Variants in CLDN16 observed in about 807,000 individuals in gnomAD.
CLDN16 encodes claudin-16.
In CLDN16, 13 loss-of-function variants were observed where a neutral mutation model predicts 24.6. The observed-to-expected ratio is 0.53, with a 90% CI of 0.34 to 0.84. The LOEUF is 0.84. Among genes scored for constraint, CLDN16 ranks in the 40% least tolerant of loss-of-function variants. CLDN16 has a pLI of 0.01. For missense variants in CLDN16, 298 were observed against 292.7 expected, an observed-to-expected ratio of 1.02 and a Z score of -0.13; for synonymous variants, 116 against 106.7, an observed-to-expected ratio of 1.09 and a Z score of -0.54.
chr3:190,310,163 C>T, the CLDN16 span: 586 of 1,610,712 alleles, frequency 3.6e-4, 4 homozygotes, highest in African/African-American at 4.7e-3. Context: ...GCCTGAATAG[C>T]GTTACCTGGC....
chr3:190,346,046 T>C (rs943523120), intron 1 of CLDN16, among the ~76,000 whole-genome samples: 4 of 150,962 alleles, frequency 2.6e-5, no homozygotes, highest in Non-Finnish European at 4.4e-5. Context: ...CATTCAGAAG[T>C]GTGATGGAAG....
At chr3:190,302,120 T>C in the CLDN16 span, among the ~76,000 whole-genome samples, 1 of 152,202 alleles carries the variant, frequency 6.6e-6, no homozygotes, top group Non-Finnish European at 1.5e-5. Flanking sequence ...TTGGGGAACT[T>C]GCATATGTTA....
intron 1 of CLDN16, among the ~76,000 whole-genome samples, chr3:190,352,773 G>A (rs998812161): frequency 6.7e-5 from 10 of 150,172 alleles, no homozygotes; most frequent in Admixed American, 5.4e-4. Flanking sequence ...AGAATTTATC[G>A]GGGCTCTGTT....
intron 1 of CLDN16, among the ~76,000 whole-genome samples, chr3:190,389,364 C>T (rs907391975): frequency 2.6e-5 from 4 of 152,152 alleles, no homozygotes; most frequent in African/African-American, 9.7e-5. Flanking sequence ...GAACAATTTA[C>T]CCTAGCAAAT....
At chr3:190,359,392 T>C (rs80199486) in intron 1 of CLDN16, among the ~76,000 whole-genome samples, 4,305 of 152,172 alleles carry the variant, frequency 0.028, 95 homozygotes, top group East Asian at 0.056. Context: ...GTTCTAGCTC[T>C]ATGTAAGTGT....
intron 4 of CLDN16, among the ~76,000 whole-genome samples, chr3:190,409,271 T>TATATGTATGTATATATGCACAC (rs1187387922): frequency 1.1e-5 from 1 of 94,860 alleles, no homozygotes; most frequent in African/African-American, 3.4e-5. Flanking sequence ...TATGCACACA[T>TATATGTATGTATATATGCACAC]GTATATGTAT....
rs116590068 is a variant in CLDN16, at chr3:190,346,624, A to C, written n.121+23963A>C. ...AAACTAGGTGGCTTAAAAGAAATTC[A>C]TTCTCTCATTTTTCTGGAGCCCAGA... On this transcript the variant is annotated intron_variant and non_coding_transcript_variant, in intron 1 of 4. Transcript: ENST00000468220. Among the ~76,000 whole-genome samples the C allele has an allele frequency of 9.1e-3, 1,385 of 152,244 alleles. 31 individuals are homozygous for C. The highest frequency in any genetic ancestry group is 0.032 in the African/African-American group (1,330 of 41,544).
chr3:190,310,536 T>C, the CLDN16 span, among the ~76,000 whole-genome samples: 65 of 152,352 alleles, frequency 4.3e-4, no homozygotes, highest in South Asian at 0.013. Context: ...GTGTATGTTG[T>C]ACAAAATCTC....
At chr3:190,299,666 T>A in the CLDN16 span, among the ~76,000 whole-genome samples, 6 of 152,296 alleles carry the variant, frequency 3.9e-5, no homozygotes, top group African/African-American at 1.4e-4. Flanking sequence ...CCCCACAGCA[T>A]GTATTGAAGC....
At chr3:190,343,133 T>C (rs1320083243) in intron 1 of CLDN16, among the ~76,000 whole-genome samples, 2 of 152,124 alleles carry the variant, frequency 1.3e-5, no homozygotes, top group Middle Eastern at 3.2e-3. Context: ...TATAACCCAC[T>C]TATAACTGGG....
chr3:190,382,685 C>A (rs1331313069), intron 3 of CLDN16, among the ~76,000 whole-genome samples: 2 of 152,120 alleles, frequency 1.3e-5, no homozygotes, highest in Non-Finnish European at 2.9e-5. Context: ...TAGTTATATT[C>A]TCTGAAGCCT....
At chr3:190,402,557 G>T in intron 2 of CLDN16, 118 bp downstream of exon 2, 6 of 769,554 alleles carry the variant, frequency 7.8e-6, no homozygotes, top group Non-Finnish European at 1.4e-5. Context: ...GGTCCAGTTT[G>T]TAATGGTTAG....
intron 1 of CLDN16, among the ~76,000 whole-genome samples, chr3:190,330,686 A>C (rs945593141): frequency 6.6e-6 from 1 of 152,180 alleles, no homozygotes; most frequent in Non-Finnish European, 1.5e-5. Context: ...GAACAAGTAC[A>C]TGACCCTAAG....
At chr3:190,324,503 A>AATAC (rs1717016643) in intron 1 of CLDN16, among the ~76,000 whole-genome samples, 1 of 152,182 alleles carries the variant, frequency 6.6e-6, no homozygotes, top group African/African-American at 2.4e-5. Context: ...TAAATAAATA[A>AATAC]ATAAACAAAT....
At chr3:190,372,113 A>G (rs1718154991) in intron 2 of CLDN16, among the ~76,000 whole-genome samples, 1 of 151,936 alleles carries the variant, frequency 6.6e-6, no homozygotes, top group African/African-American at 2.4e-5. Context: ...GTCACATCCC[A>G]GCAGGATTAG....
At chr3:190,377,971 G>T (rs1309301589) in intron 3 of CLDN16, among the ~76,000 whole-genome samples, 1 of 151,814 alleles carries the variant, frequency 6.6e-6, no homozygotes, top group African/African-American at 2.4e-5. Flanking sequence ...AAAGATATGG[G>T]GATAACAAAG....
chr3:190,362,838 T>C lies in CLDN16; in HGVS notation n.122-8055T>C, dbSNP rs189005554. Among the ~76,000 whole-genome samples the C allele has an allele frequency of 4.6e-3, 705 of 152,118 alleles. 6 individuals carry two copies. Among genetic ancestry groups the C allele is most frequent in the Non-Finnish European group, 7.2e-3 (488 of 67,928 alleles). ...CTGTATTTATATCTCTGTCTCCCTA[T>C]ACATTATATGTTTTCCTGTTTTGTT... On this transcript the variant is annotated intron_variant and non_coding_transcript_variant, in intron 1 of 4. Coordinates refer to the CLDN16 transcript ENST00000468220.
rs1718327793 is a variant in CLDN16 at position 190,380,047 on chromosome 3, G to A, written n.306+5444G>A. 2.0e-5 allele frequency among the ~76,000 whole-genome samples: 3 copies of A among 146,994 alleles called. No homozygotes were observed. The Admixed American group carries it at 2.1e-4, about 10-fold the overall frequency. Reference sequence around the variant, plus strand: ...TATTTGCCTGCAAGCTTCTTGAGTGGCATTCTATTAATCTATAGTTACTAA... The same window carrying A: ...TATTTGCCTGCAAGCTTCTTGAGTGACATTCTATTAATCTATAGTTACTAA... On this transcript the variant is annotated intron_variant and non_coding_transcript_variant, in intron 3 of 4. Transcript: ENST00000468220.
chr3:190,333,582 C>CT (rs1717233162), intron 1 of CLDN16, among the ~76,000 whole-genome samples: 2 of 22,704 alleles, frequency 8.8e-5, no homozygotes, highest in Non-Finnish European at 1.8e-4. Flanking sequence ...ATCTATCTAT[C>CT]AATCATCTTT....
Sources: gnomAD v4.1 joint callset for allele counts (sites outside exome capture counted in the v4.1 genomes callset) on GRCh38, gnomAD v4.1.1 for gene constraint, MANE v1.5 for transcripts, NCBI Gene and HGNC (gene_info 2026-07-23, HGNC 2026-07-21) for gene names.